The following AIG1 variants were observed in gnomAD, a reference collection of about 807,000 sequenced individuals.
AIG1 encodes androgen-induced gene 1 protein.
In AIG1, 23 loss-of-function variants were observed where a neutral mutation model predicts 31.4. That is an observed-to-expected ratio of 0.73 (90% CI 0.53 to 1.04). AIG1 has a LOEUF of 1.04. AIG1 is among the 50% of genes least tolerant of loss of function. The pLI is 0.00. For synonymous variants in AIG1, 100 were observed against 110.5 expected (o/e 0.90, Z 0.60); for missense variants, 274 against 295.0 (o/e 0.93, Z 0.52).
In AIG1 at chr6:143,265,757, A is replaced by G. The variant is rs145015536; in HGVS notation, c.400-18353A>G. On this transcript the variant is annotated intron_variant, in intron 3 of 5. Transcript: ENST00000357847. ...TAAACACCCCCTCATCCTTCCTGTG[A>G]ACTTAAAGTGACAAAAAGTAACCTG... Among the ~76,000 whole-genome samples the G allele has an allele frequency of 5.8e-4, 88 of 152,352 alleles. 1 individual carries two copies. The East Asian group carries it at 0.016, about 28-fold the overall frequency.
At chr6:143,151,341 T>C (rs895244467) in intron 2 of AIG1, among the ~76,000 whole-genome samples, 1 of 152,146 alleles carries the variant, frequency 6.6e-6, no homozygotes, top group Admixed American at 6.6e-5. Context: ...TGGCAAATGG[T>C]TCATAGAGAA....
At chr6:143,093,164 G>A (rs1779459188) in intron 1 of AIG1, among the ~76,000 whole-genome samples, 2 of 152,176 alleles carry the variant, frequency 1.3e-5, no homozygotes, top group African/African-American at 2.4e-5. Context: ...TCTAATAGAA[G>A]GTTGTTTTGT....
intron 3 of AIG1, among the ~76,000 whole-genome samples, chr6:143,179,734 G>A (rs980722336): frequency 4.6e-5 from 7 of 151,956 alleles, no homozygotes; most frequent in Admixed American, 2.0e-4. Flanking sequence ...GAAAAGTAAC[G>A]CAATCTTTTT....
In AIG1 at chr6:143,268,653, C is replaced by T. The variant is rs565097058; in HGVS notation, c.400-15457C>T. 2.0e-5 allele frequency among the ~76,000 whole-genome samples: 3 copies of T among 152,322 alleles called. No homozygotes were observed. In the East Asian group the frequency reaches 5.8e-4, roughly 29 times the overall value. ...TGCCAATGTCAGCAGATTCATAACC[C>T]TGCAGCGCAATTTTGGATTGTCAGA... On this transcript the variant is annotated intron_variant, in intron 3 of 5. Transcript: ENST00000357847. This position sits in a 1 kb window ranked among gnomAD's most constrained non-coding sequence, Gnocchi z 5.0.
chr6:143,088,778 A>T (rs771387866), intron 1 of AIG1, among the ~76,000 whole-genome samples: 1 of 152,252 alleles, frequency 6.6e-6, no homozygotes, highest in African/African-American at 2.4e-5. Context: ...TACAGGAAAC[A>T]TGGGATTGAA....
chr6:143,164,396 C>G (rs1786718868), intron 2 of AIG1, among the ~76,000 whole-genome samples: 2 of 152,186 alleles, frequency 1.3e-5, no homozygotes, highest in South Asian at 4.1e-4. Flanking sequence ...GTACTCTACT[C>G]TCTTTTGATG....
rs555663330 is a variant in AIG1 at position 143,194,746 on chromosome 6, C to T, written c.399+29563C>T. ...ACGTGTGCTTGATGTCTCCACGTCA[C>T]GGCAGGTGGCCCCCAGCATGCTGCC... On this transcript the variant is annotated intron_variant, in intron 3 of 5. Transcript: ENST00000357847. 1.4e-4 allele frequency among the ~76,000 whole-genome samples: 22 copies of T among 152,270 alleles called. No individual in the cohort carries two copies. The East Asian group carries it at 2.5e-3, about 17-fold the overall frequency.
intron 3 of AIG1, among the ~76,000 whole-genome samples, chr6:143,198,544 AC>A (rs1367449444): frequency 2.0e-5 from 3 of 152,234 alleles, no homozygotes; most frequent in African/African-American, 4.8e-5. Context: ...TTTAACAGAT[AC>A]CAAAATAACA....
At position 143,333,094 on chromosome 6, in the gene AIG1, G is replaced by A. The variant is rs890148175; in HGVS notation, c.516-188G>A. 1.3e-5 allele frequency among the ~76,000 whole-genome samples: 2 copies of A among 152,188 alleles called. No individual in the cohort carries two copies. The highest frequency in any genetic ancestry group is 2.9e-5 in the Non-Finnish European group (2 of 68,028). On this transcript the variant is annotated intron_variant, in intron 4 of 5. Transcript: ENST00000357847. This position sits in a 1 kb window ranked among gnomAD's most constrained non-coding sequence, Gnocchi z 4.6. ...CTTCTGTGAGTCTAAAATTATTTCA[G>A]AATAAAAAGTAAATGAAAATAAACA...
chr6:143,269,930 T>A (rs904775460), intron 3 of AIG1, among the ~76,000 whole-genome samples: 2 of 152,176 alleles, frequency 1.3e-5, no homozygotes, highest in Non-Finnish European at 2.9e-5. Flanking sequence ...ATTTGTTGAT[T>A]TTTCTGGACA....
chr6:143,295,769 T>A (rs552852137), intron 4 of AIG1, among the ~76,000 whole-genome samples: 15 of 152,264 alleles, frequency 9.9e-5, no homozygotes, highest in African/African-American at 3.6e-4. Flanking sequence ...AAAAAATAGT[T>A]GAAGTTTTGT....
downstream of AIG1, chr6:143,342,503 A>G: frequency 2.5e-6 from 2 of 796,786 alleles, no homozygotes; most frequent in South Asian, 2.7e-5. Flanking sequence ...TGGAAGAAAC[A>G]GTCTTTTATC....
intron 3 of AIG1, among the ~76,000 whole-genome samples, chr6:143,192,830 TCC>T (rs1789913372): frequency 2.0e-5 from 3 of 152,264 alleles, no homozygotes; most frequent in Admixed American, 2.0e-4. Flanking sequence ...AACATTCAAG[TCC>T]AAACAAATTT....
At chr6:143,336,297 T>C (rs1273052881) in intron 5 of AIG1, among the ~76,000 whole-genome samples, 1 of 152,160 alleles carries the variant, frequency 6.6e-6, no homozygotes, top group Non-Finnish European at 1.5e-5. Flanking sequence ...AAGATAAAAA[T>C]CACATTATTG....
rs17591162 is a variant in AIG1, at chr6:143,212,982, C to A, written c.399+47799C>A. Among the ~76,000 whole-genome samples, 482 of 152,266 alleles carry A rather than the reference C, an allele frequency of 3.2e-3. 10 individuals carry two copies. In the East Asian group the frequency reaches 0.064, roughly 20 times the overall value. On this transcript the variant is annotated intron_variant, in intron 3 of 5. Coordinates refer to ENST00000357847, the MANE Select transcript of AIG1 (RefSeq NM_016108.4). ...ATGACAGAGGGAGAAAAAAATGGAA[C>A]CACAATGCAGACATCTCTGGATCAA...
In AIG1 at chr6:143,330,062, A is replaced by G. The variant is rs1363192309; in HGVS notation, c.516-3220A>G. Among the ~76,000 whole-genome samples the G allele has an allele frequency of 6.6e-6, 1 of 152,194 alleles. No individual in the cohort carries two copies. The highest frequency in any genetic ancestry group is 1.9e-4 in the East Asian group (1 of 5,200). The stretch of plus-strand genomic sequence containing the variant: ...ATTGGCGAAGTGCCTGCCATATAGT[A>G]ATGGCTCAATAAACAGATGTTGCTG... On this transcript the variant is annotated intron_variant, in intron 4 of 5. Transcript: ENST00000357847. The surrounding 1 kb of genome is among the most constrained non-coding windows in gnomAD (Gnocchi z 4.4).
chr6:143,160,963 C>T (rs1215448637), intron 2 of AIG1, among the ~76,000 whole-genome samples: 1 of 152,148 alleles, frequency 6.6e-6, no homozygotes, highest in Non-Finnish European at 1.5e-5. Context: ...CACACTGAGT[C>T]TCATGTGTTG....
At chr6:143,169,837 C>A (rs1787321772) in intron 3 of AIG1, among the ~76,000 whole-genome samples, 1 of 152,028 alleles carries the variant, frequency 6.6e-6, no homozygotes, top group Non-Finnish European at 1.5e-5. Flanking sequence ...TTATCAAATA[C>A]TTTTTCTGTG....
intron 2 of AIG1, among the ~76,000 whole-genome samples, chr6:143,157,968 G>A (rs1785962890): frequency 6.6e-6 from 1 of 152,128 alleles, no homozygotes; most frequent in Non-Finnish European, 1.5e-5. Context: ...CCAGCTATTT[G>A]TGAAAGGATA....
Sources: allele counts gnomAD v4.1 joint callset (sites outside exome capture counted in the v4.1 genomes callset), GRCh38; gene constraint gnomAD v4.1.1; non-coding constraint Gnocchi (gnomAD v3.1); transcripts MANE v1.5; gene names NCBI Gene and HGNC (gene_info 2026-07-23, HGNC 2026-07-21).